Variants in XKR9 observed in about 807,000 individuals in gnomAD.
XKR9 encodes the protein XK-related protein 9.
A neutral mutation model predicts 32.0 loss-of-function variants in XKR9; 32 were observed. The ratio of observed to expected loss-of-function variants is 1.00; its 90% confidence interval spans 0.76 to 1.34. The LOEUF is 1.34. Among genes scored for constraint, XKR9 ranks in the 40% most tolerant of loss-of-function variants. The probability of loss-of-function intolerance (pLI) is 0.00; values close to 1 mark genes in which losing one functional copy is unlikely to be tolerated. For synonymous variants in XKR9, 168 were observed against 143.4 expected (o/e 1.17, Z -1.22); for missense variants, 546 against 429.7 (o/e 1.27, Z -2.39).
intron 3 of XKR9, among the ~76,000 whole-genome samples, chr8:70,695,500 C>A (rs1805235604): frequency 6.6e-6 from 1 of 152,006 alleles, no homozygotes; most frequent in Admixed American, 6.6e-5. Context: ...CTACAAAGGA[C>A]ATGAACTCAT....
At chr8:70,874,953 G>A in the XKR9 span, among the ~76,000 whole-genome samples, 17 of 152,126 alleles carry the variant, frequency 1.1e-4, no homozygotes, top group African/African-American at 2.9e-4. Context: ...TTCTGCCTTC[G>A]GTCACATGCT....
chr8:70,674,148 G>A (rs1337637424), intron 1 of XKR9, among the ~76,000 whole-genome samples: 1 of 152,092 alleles, frequency 6.6e-6, no homozygotes, highest in East Asian at 1.9e-4. Flanking sequence ...CAGCCTGAGT[G>A]ATGGAGCAAG....
chr8:70,678,688 G>GT (rs757746728), intron 2 of XKR9, among the ~76,000 whole-genome samples: 33 of 152,030 alleles, frequency 2.2e-4, no homozygotes, highest in Non-Finnish European at 4.4e-4. Context: ...TTTTTAAACT[G>GT]TTTTTTTCTG....
the XKR9 span, among the ~76,000 whole-genome samples, chr8:70,964,362 A>T: frequency 6.6e-6 from 1 of 152,154 alleles, no homozygotes; most frequent in African/African-American, 2.4e-5. Flanking sequence ...TGTTTTGGTT[A>T]CTGTAGCCTT....
At chr8:70,958,931 GTA>G in the XKR9 span, among the ~76,000 whole-genome samples, 30 of 149,430 alleles carry the variant, frequency 2.0e-4, no homozygotes, top group South Asian at 6.3e-4. Context: ...TAATTTGTGT[GTA>G]TATATATATA....
At chr8:70,762,227 T>G (rs1807318960) in intron 2 of XKR9, among the ~76,000 whole-genome samples, 1 of 152,030 alleles carries the variant, frequency 6.6e-6, no homozygotes, top group Non-Finnish European at 1.5e-5. Flanking sequence ...TTCTCTAGAT[T>G]TGAACATTTT....
chr8:70,700,787 G>T (rs1310476565), intron 3 of XKR9, among the ~76,000 whole-genome samples: 2 of 152,224 alleles, frequency 1.3e-5, no homozygotes, highest in African/African-American at 4.8e-5. Context: ...TGCCTCCAGA[G>T]GTGGAGCCTA....
chr8:70,743,154 G>A (rs115050750), intron 2 of XKR9, among the ~76,000 whole-genome samples: 120 of 151,790 alleles, frequency 7.9e-4, no homozygotes, highest in African/African-American at 2.3e-3. Flanking sequence ...GACATTTCCC[G>A]TATCTTCAAT....
the XKR9 span, among the ~76,000 whole-genome samples, chr8:70,886,927 T>C: frequency 1.3e-5 from 2 of 152,216 alleles, no homozygotes; most frequent in South Asian, 4.1e-4. Context: ...CTGTTGCAAT[T>C]GCTTTTGGTG....
the XKR9 span, among the ~76,000 whole-genome samples, chr8:70,983,631 A>G: frequency 6.6e-6 from 1 of 151,990 alleles, no homozygotes; most frequent in African/African-American, 2.4e-5. Context: ...AAATACAAAA[A>G]TTAGCTGGGC....
intron 2 of XKR9, among the ~76,000 whole-genome samples, chr8:70,774,302 C>G (rs768740186): frequency 2.6e-5 from 4 of 152,054 alleles, no homozygotes; most frequent in Non-Finnish European, 4.4e-5. Flanking sequence ...AATTTTTTAA[C>G]AATTTAATAT....
At chr8:71,061,864 G>T in the XKR9 span, among the ~76,000 whole-genome samples, 1 of 152,206 alleles carries the variant, frequency 6.6e-6, no homozygotes, top group Admixed American at 6.5e-5. Context: ...AGTATATTTA[G>T]GGTGCTATGC....
intron 4 of XKR9, among the ~76,000 whole-genome samples, chr8:70,717,892 C>G (rs1229385080): frequency 6.6e-6 from 1 of 152,096 alleles, no homozygotes; most frequent in Non-Finnish European, 1.5e-5. Context: ...TTTCTTCCAC[C>G]AGATACCCTA....
chr8:70,725,458 T>C (rs1389451610), intron 4 of XKR9, among the ~76,000 whole-genome samples: 1 of 150,738 alleles, frequency 6.6e-6, no homozygotes, highest in Non-Finnish European at 1.5e-5. Context: ...AATATGACAA[T>C]AGATGTCAGG....
chr8:70,795,002 G>A (rs1807810697), downstream of XKR9, among the ~76,000 whole-genome samples: 1 of 151,872 alleles, frequency 6.6e-6, no homozygotes, highest in Non-Finnish European at 1.5e-5. Flanking sequence ...AATTTAACTT[G>A]TAAGTTCAGG....
At chr8:70,775,973 T>C (rs1334148986) in intron 2 of XKR9, among the ~76,000 whole-genome samples, 2 of 152,104 alleles carry the variant, frequency 1.3e-5, no homozygotes, top group Non-Finnish European at 2.9e-5. Context: ...CTCAAACTCC[T>C]GTACTTAAAC....
At chr8:70,722,632 G>A (rs192641418) in intron 4 of XKR9, among the ~76,000 whole-genome samples, 20 of 152,264 alleles carry the variant, frequency 1.3e-4, no homozygotes, top group African/African-American at 4.8e-4. Flanking sequence ...CTCCCACTGT[G>A]TTCTGGCTTG....
chr8:70,813,080 G>T, the XKR9 span, among the ~76,000 whole-genome samples: 2 of 152,062 alleles, frequency 1.3e-5, no homozygotes, highest in African/African-American at 4.8e-5. Context: ...GCATGGTACT[G>T]GTACCAAAAC....
At chr8:70,683,407 TTTTG>T (rs1819151038) in intron 3 of XKR9, 3 of 355,914 alleles carry the variant, frequency 8.4e-6, no homozygotes, top group Admixed American at 8.0e-5. Flanking sequence ...TTCTACTGAA[TTTTG>T]TTTATGTTTA....
Sources: allele counts gnomAD v4.1 joint callset (sites outside exome capture counted in the v4.1 genomes callset), GRCh38; gene constraint gnomAD v4.1.1; transcripts MANE v1.5; gene names NCBI Gene and HGNC (gene_info 2026-07-23, HGNC 2026-07-21).